Variants in SCN1B observed in about 807,000 individuals in gnomAD.
The protein encoded by SCN1B is sodium voltage-gated channel beta subunit 1.
A neutral mutation model predicts 25.7 loss-of-function variants in SCN1B; 11 were observed. The observed-to-expected ratio is 0.43, with a 90% CI of 0.27 to 0.71. The LOEUF (loss-of-function observed/expected upper bound fraction) is 0.71, where lower values mean the gene tolerates loss of function less well. Ranked by LOEUF, SCN1B falls within the 30% of genes least tolerant of loss-of-function variation. The pLI, the probability that SCN1B is intolerant of heterozygous loss-of-function variation, is 0.21. For synonymous variants in SCN1B, 119 were observed against 117.5 expected (o/e 1.01, Z -0.08); for missense variants, 224 against 291.5 (o/e 0.77, Z 1.69).
chr19:35,032,732 G>A lies in SCN1B; in HGVS notation c.207+38G>A, dbSNP rs1335660611. On this transcript the variant is annotated intron_variant, in intron 2 of 5. Coordinates refer to ENST00000262631, the MANE Select transcript of SCN1B (RefSeq NM_001037.5). This position sits in a 1 kb window ranked among gnomAD's most constrained non-coding sequence, Gnocchi z 4.3. ...CGGGAACGGGCATGGGAGGGCAGGG[G>A]TCCACGAGTGGGAGGCGGTGGGGCT... is the stretch of plus-strand genomic sequence containing the variant. 6.2e-7 allele frequency: 1 copy of A among 1,608,064 alleles called. No individual in the cohort carries two copies. Among genetic ancestry groups the A allele is most frequent in the South Asian group, 1.1e-5 (1 of 90,976 alleles).
chr19:35,033,935 G>T, intron 3 of SCN1B, 196 bp downstream of exon 3: 2 of 1,558,476 alleles, frequency 1.3e-6, no homozygotes, highest in South Asian at 2.3e-5. Context: ...AGCCCACGGA[G>T]AGGTCAAAGC....
At position 35,030,593 on chromosome 19, in the gene SCN1B, C is replaced by A. The variant is rs2064206438; in HGVS notation, c.-228C>A. On this transcript the variant is annotated 5_prime_UTR_variant, in exon 1 of 6. Coordinates refer to ENST00000262631, the MANE Select transcript of SCN1B (RefSeq NM_001037.5). ...GCAGCAGCCCGAGCAGCGGCCGCCG[C>A]CCGCGCGGCGGGGATGCCCGGACGC... The A allele has an allele frequency of 6.6e-6, 1 of 151,830 alleles. No homozygotes were observed. The highest frequency in any genetic ancestry group is 2.4e-5 in the African/African-American group (1 of 40,952). The allele number at this position is 151,830 out of a possible 1,614,324, so 9.4% of individuals were successfully genotyped here.
rs767384862 is a variant in SCN1B at position 35,032,572 on chromosome 19, G to T, written c.85G>T (p.Glu29Ter). 6.2e-7 allele frequency: 1 copy of T among 1,614,106 alleles called. No homozygotes were observed. Among genetic ancestry groups the T allele is most frequent in the Non-Finnish European group, 8.5e-7 (1 of 1,180,052 alleles). ...GGCVEVDSETEAVYGMTFKIL... is the reference protein window; with the variant it reads ...GGCVEVDSET ...CTGCGTGGAGGTGGACTCGGAGACC[G>T]AGGCCGTGTATGGGATGACCTTCAA... The change falls in exon 2 of 6, where the codon GAG (glutamate) becomes TAG (stop). Residue 29 changes from glutamate to a stop codon, truncating the protein, a stop_gained. Transcript: ENST00000262631. LOFTEE classifies it high-confidence loss of function. The surrounding 1 kb of genome is among the most constrained non-coding windows in gnomAD (Gnocchi z 4.3).
At chr19:35,035,624 A>G (rs760860464) in intron 3 of SCN1B, 1 of 151,614 alleles carries the variant, frequency 6.6e-6, no homozygotes, top group Non-Finnish European at 1.5e-5. Context: ...TGCCCACTGT[A>G]TGACACTACA....
chr19:35,031,014 G>T (rs1295155262), intron 1 of SCN1B, among the ~76,000 whole-genome samples, 154 bp downstream of exon 1: 1 of 151,952 alleles, frequency 6.6e-6, no homozygotes, highest in East Asian at 1.9e-4. Flanking sequence ...TGTGCGCGCG[G>T]GAGCCGGGCT....
chr19:35,039,467 TC>T, intron 4 of SCN1B, 167 bp from the exon 5 acceptor site: 1 of 974,666 alleles, frequency 1.0e-6, no homozygotes, highest in Non-Finnish European at 1.6e-6. Context: ...GAGCCCAGGC[TC>T]CCAGCCAGAT....
In SCN1B at chr19:35,032,774, G is replaced by T. The variant is rs947660465; in HGVS notation, c.207+80G>T. On this transcript the variant is annotated intron_variant, in intron 2 of 5. Coordinates refer to ENST00000262631, the MANE Select transcript of SCN1B (RefSeq NM_001037.5). The surrounding 1 kb of genome is among the most constrained non-coding windows in gnomAD (Gnocchi z 4.3). ...GGTGGGGCTGGATCTCAGGGAGGGG[G>T]CTTATTTGTTTAATAATATGCTGTG... 1.3e-6 allele frequency: 2 copies of T among 1,505,276 alleles called. No individual in the cohort carries two copies. Among genetic ancestry groups the T allele is most frequent in the African/African-American group, 2.7e-5 (2 of 72,748 alleles). The allele number at this position is 1,505,276 out of a possible 1,614,324, so 93.2% of individuals were successfully genotyped here. A position where few individuals can be genotyped will look rare whatever the true frequency, so the allele number is the denominator to read the frequency against.
Position 35,033,361 on chromosome 19 carries a change from CCT to C in SCN1B, c.208-137_208-136del, listed in dbSNP as rs2064226454. ...CCTAGCCCCCCACCCCTGTGCCCTC[CCT>C]GCCTGAGGTCAAGGTGTCTGAGCCC... On this transcript the variant is annotated intron_variant, in intron 2 of 5. Coordinates refer to ENST00000262631, the MANE Select transcript of SCN1B (RefSeq NM_001037.5). 22 of 1,531,192 alleles carry C rather than the reference CCT, an allele frequency of 1.4e-5. No homozygotes were observed. The South Asian group carries it at 2.7e-4, about 19-fold the overall frequency. 94.9% of individuals were successfully genotyped at this position (1,531,192 alleles called of 1,614,324 possible).
chr19:35,038,367 G>T (rs896285232), intron 3 of SCN1B: 2 of 153,798 alleles, frequency 1.3e-5, no homozygotes, highest in African/African-American at 2.4e-5. Flanking sequence ...CAGTGCTGTA[G>T]AGAGGATGTA....
Position 35,032,516 on chromosome 19 carries a change from C to T in SCN1B, c.41-12C>T. 6.2e-7 allele frequency: 1 copy of T among 1,613,294 alleles called. No individual in the cohort carries two copies. On this transcript the variant is annotated splice_polypyrimidine_tract_variant and intron_variant, in intron 1 of 5. Transcript: ENST00000262631. The surrounding 1 kb of genome is among the most constrained non-coding windows in gnomAD (Gnocchi z 4.3). The stretch of plus-strand genomic sequence containing the variant: ...GGTGCCTCTGCCTGACCTGAGCCTG[C>T]TGTCCCCACAGTGTCCTCAGCCTGC...
Position 35,039,912 on chromosome 19 carries a change from A to AC in SCN1B, c.*122dup. 1.7e-6 allele frequency: 1 copy of AC among 603,942 alleles called. No homozygotes were observed. Among genetic ancestry groups the AC allele is most frequent in the Non-Finnish European group, 2.9e-6 (1 of 341,216 alleles). 37.4% of individuals were successfully genotyped at this position (603,942 alleles called of 1,614,324 possible). ...CCCAGAAAGCCTCAGAGTCCTGCCG[A>AC]CGGAGCCACTGGGGTGGGAGGGGGC... is the stretch of plus-strand genomic sequence containing the variant. On this transcript the variant is annotated 3_prime_UTR_variant, in exon 6 of 6. Coordinates refer to ENST00000262631, the MANE Select transcript of SCN1B (RefSeq NM_001037.5).
chr19:35,033,715 A>T lies in SCN1B; in HGVS notation c.424A>T (p.Ile142Phe). The T allele has an allele frequency of 6.2e-7, 1 of 1,614,076 alleles. No individual in the cohort carries two copies. The highest frequency in any genetic ancestry group is 8.5e-7 in the Non-Finnish European group (1 of 1,180,008). ...GCACAACACCAGCGTCGTCAAGAAG[A>T]TCCACATTGAGGTAGTGGACAAAGG... The part of the protein sequence containing the change: ...YEHNTSVVKK[I>F]HIEVVDKANR... Residue 142 changes from isoleucine to phenylalanine, a missense_variant, in exon 3 of 6, where the codon ATC becomes TTC. By Grantham distance (21) the Ile-to-Phe change is conservative. Around this residue, in one of 3 missense-constraint regions of SCN1B, gnomAD observed 126 missense variants for 204.9 expected, o/e 0.61. Transcript: ENST00000262631.
rs1004092373 is a variant in SCN1B, at chr19:35,032,236, C to T, written c.41-292C>T. On this transcript the variant is annotated intron_variant, in intron 1 of 5. Coordinates refer to ENST00000262631, the MANE Select transcript of SCN1B (RefSeq NM_001037.5). This position sits in a 1 kb window ranked among gnomAD's most constrained non-coding sequence, Gnocchi z 4.3. The stretch of plus-strand genomic sequence containing the variant: ...AGCATAAAGTCTGAGTTACCGGCAA[C>T]GTTGACAGTCCCACTTATGGGGCCT... Among the ~76,000 whole-genome samples the T allele has an allele frequency of 9.2e-5, 14 of 152,204 alleles. No individual in the cohort carries two copies. Among genetic ancestry groups the T allele is most frequent in the Non-Finnish European group, 1.9e-4 (13 of 68,042 alleles).
At chr19:35,035,840 A>T (rs2064244313) in intron 3 of SCN1B, 1 of 152,110 alleles carries the variant, frequency 6.6e-6, no homozygotes, top group Non-Finnish European at 1.5e-5. Flanking sequence ...AATATATTTT[A>T]CTATCATAAT....
At position 35,038,888 on chromosome 19, in the gene SCN1B, C is replaced by T. The variant is rs7256501; in HGVS notation, c.449-229C>T. The T allele has an allele frequency of 0.011, 6,014 of 564,148 alleles. 269 individuals are homozygous for T. Among genetic ancestry groups the T allele is most frequent in the African/African-American group, 0.099 (5,320 of 53,684 alleles). 34.9% of individuals were successfully genotyped at this position (564,148 alleles called of 1,614,324 possible). On this transcript the variant is annotated intron_variant, in intron 3 of 5. Coordinates refer to ENST00000262631, the MANE Select transcript of SCN1B (RefSeq NM_001037.5). ...TTGCAGAGCTACGGCTTTTAGGCAC[C>T]GTGCTGAGGGCCTCCAGAATGACAC...
chr19:35,032,828 C>T lies in SCN1B; in HGVS notation c.207+134C>T. The T allele has an allele frequency of 9.2e-7, 1 of 1,081,802 alleles. No homozygotes were observed. The allele number at this position is 1,081,802 out of a possible 1,614,324, so 67.0% of individuals were successfully genotyped here. On this transcript the variant is annotated intron_variant, in intron 2 of 5. Coordinates refer to ENST00000262631, the MANE Select transcript of SCN1B (RefSeq NM_001037.5). The surrounding 1 kb of genome is among the most constrained non-coding windows in gnomAD (Gnocchi z 4.3). ...GCTGACCTGGATTCAGATTCTGGCTCCACCAGTGGCCAGCTGGTGACCTTG... is the reference window on the plus strand; with the variant it reads ...GCTGACCTGGATTCAGATTCTGGCTTCACCAGTGGCCAGCTGGTGACCTTG...
chr19:35,032,530 T>C lies in SCN1B; in HGVS notation c.43T>C (p.Ser15Pro). The C allele has an allele frequency of 1.2e-6, 2 of 1,613,732 alleles. No homozygotes were observed. The highest frequency in any genetic ancestry group is 1.7e-6 in the Non-Finnish European group (2 of 1,180,034). Residue 15 changes from serine (S) to proline (P), a missense_variant and splice_region_variant, in exon 2 of 6, where the codon TCC becomes CCC. Transcript: ENST00000262631. This position sits in a 1 kb window ranked among gnomAD's most constrained non-coding sequence, Gnocchi z 4.3. Reference protein sequence around the residue: ...LALVVGAALVSSACGGCVEVD... With the variant: ...LALVVGAALVPSACGGCVEVD... Reference sequence around the variant, plus strand: ...ACCTGAGCCTGCTGTCCCCACAGTGTCCTCAGCCTGCGGGGGCTGCGTGGA... The same window carrying C: ...ACCTGAGCCTGCTGTCCCCACAGTGCCCTCAGCCTGCGGGGGCTGCGTGGA...
In SCN1B at chr19:35,033,738, AGGTGAGTCG is replaced by A. The variant is rs1322172446; in HGVS notation, c.448+4_448+12del. ...AGATCCACATTGAGGTAGTGGACAAAGGTGAGTCGGGTGCTGCCTGCCCCTTTACCGTCA... is the reference window on the plus strand; with the variant it reads ...AGATCCACATTGAGGTAGTGGACAAAGGTGCTGCCTGCCCCTTTACCGTCA... On this transcript the variant is annotated splice_donor_variant and splice_donor_5th_base_variant and coding_sequence_variant and intron_variant, in exon 3 of 6. Coordinates refer to ENST00000262631, the MANE Select transcript of SCN1B (RefSeq NM_001037.5). LOFTEE classifies it high-confidence loss of function. The A allele has an allele frequency of 4.3e-6, 7 of 1,613,998 alleles. No homozygotes were observed. The highest frequency in any genetic ancestry group is 5.9e-6 in the Non-Finnish European group (7 of 1,180,034).
chr19:35,036,650 C>A (rs2064249576), intron 3 of SCN1B: 1 of 151,950 alleles, frequency 6.6e-6, no homozygotes. Flanking sequence ...CCAGGCTGGT[C>A]TCGAACTCCT....
Sources: allele counts gnomAD v4.1 joint callset (sites outside exome capture counted in the v4.1 genomes callset), GRCh38; gene constraint gnomAD v4.1.1; regional missense constraint gnomAD v4.1.1; non-coding constraint Gnocchi (gnomAD v3.1); transcripts MANE v1.5; gene names NCBI Gene and HGNC (gene_info 2026-07-23, HGNC 2026-07-21).